The following PRKCB variants were observed in gnomAD, a reference collection of about 807,000 sequenced individuals.
PRKCB encodes protein kinase C beta type.
A neutral mutation model predicts 81.5 loss-of-function variants in PRKCB; 13 were observed. That is an observed-to-expected ratio of 0.16 (90% CI 0.10 to 0.25). The LOEUF is 0.25. PRKCB is among the 10% of genes least tolerant of loss of function. The pLI, the probability that PRKCB is intolerant of heterozygous loss-of-function variation, is 1.00. For synonymous variants in PRKCB, 335 were observed against 321.4 expected (o/e 1.04, Z -0.45); for missense variants, 509 against 875.7 (o/e 0.58, Z 5.29).
chr16:23,884,709 A>T (rs1963172129), intron 2 of PRKCB, among the ~76,000 whole-genome samples: 1 of 151,510 alleles, frequency 6.6e-6, no homozygotes, highest in South Asian at 2.1e-4. Context: ...TAATTTTTTT[A>T]TTTTTATTTT....
chr16:23,931,975 A>G (rs1340802318), intron 2 of PRKCB, among the ~76,000 whole-genome samples: 2 of 152,212 alleles, frequency 1.3e-5, no homozygotes, highest in African/African-American at 2.4e-5. Flanking sequence ...AGTCAAATAG[A>G]CATTATATAT....
At chr16:23,935,544 A>G (rs1964046627) in intron 2 of PRKCB, among the ~76,000 whole-genome samples, 1 of 151,824 alleles carries the variant, frequency 6.6e-6, no homozygotes, top group Admixed American at 6.6e-5. Flanking sequence ...TCCCTCCTCC[A>G]CCCCAAAATC....
At chr16:23,887,345 C>T (rs371814204) in intron 2 of PRKCB, among the ~76,000 whole-genome samples, 1 of 152,142 alleles carries the variant, frequency 6.6e-6, no homozygotes, top group Admixed American at 6.5e-5. Context: ...ACCGTTACCC[C>T]CTTCTCTCCC....
intron 2 of PRKCB, among the ~76,000 whole-genome samples, chr16:23,883,544 A>G (rs1380453054): frequency 6.6e-6 from 1 of 152,198 alleles, no homozygotes; most frequent in Non-Finnish European, 1.5e-5. Context: ...CACACCTTCC[A>G]TTGGCTGCCA....
At chr16:24,142,426 G>A (rs365371) in intron 9 of PRKCB, among the ~76,000 whole-genome samples, 30,451 of 152,102 alleles carry the variant, frequency 0.2, 3,299 homozygotes, top group South Asian at 0.31. Flanking sequence ...TCCTGAGTGG[G>A]TGAGTGCCCC....
chr16:24,126,445 T>G (rs1966844403), intron 9 of PRKCB, among the ~76,000 whole-genome samples: 1 of 152,186 alleles, frequency 6.6e-6, no homozygotes, highest in Non-Finnish European at 1.5e-5. Context: ...GGCTGGAATG[T>G]AGTGGTGCAT....
Position 24,214,819 on chromosome 16 carries a change from A to T in PRKCB, c.*3A>T, listed in dbSNP as rs1430240001. 6.2e-7 allele frequency: 1 copy of T among 1,613,718 alleles called. No individual in the cohort carries two copies. The highest frequency in any genetic ancestry group is 8.5e-7 in the Non-Finnish European group (1 of 1,179,744). On this transcript the variant is annotated 3_prime_UTR_variant, in exon 17 of 17. Coordinates refer to ENST00000643927, the MANE Select transcript of PRKCB (RefSeq NM_002738.7). ...TAAAACCCGAAGTCAAGAGCTAAGT[A>T]GATGTGTAGATCTCCGTCCTTCATT... is the stretch of plus-strand genomic sequence containing the variant.
chr16:24,033,426 TAG>T (rs1965572667), intron 4 of PRKCB, among the ~76,000 whole-genome samples: 2 of 152,112 alleles, frequency 1.3e-5, no homozygotes, highest in South Asian at 4.2e-4. Context: ...GAGACTCAGC[TAG>T]AGAGAGACTC....
At chr16:23,949,040 C>T (rs776995542) in intron 2 of PRKCB, among the ~76,000 whole-genome samples, 24 of 152,158 alleles carry the variant, frequency 1.6e-4, no homozygotes, top group Admixed American at 3.3e-4. Context: ...CAGAGGCAAC[C>T]GTTCTAGTGA....
At position 24,083,055 on chromosome 16, in the gene PRKCB, G is replaced by A. The variant is rs138593696; in HGVS notation, c.530-9736G>A. On this transcript the variant is annotated intron_variant, in intron 5 of 16. Transcript: ENST00000643927. ...ACAAACACTTTACCAAATAATACAA[G>A]GATGGCCAATACATTCATGGAAAGA... Among the ~76,000 whole-genome samples, 558 of 152,130 alleles carry A rather than the reference G, an allele frequency of 3.7e-3. 1 individual carries two copies. Among genetic ancestry groups the A allele is most frequent in the African/African-American group, 0.012 (515 of 41,508 alleles).
intron 7 of PRKCB, among the ~76,000 whole-genome samples, chr16:24,104,364 A>G (rs1966549435): frequency 6.6e-6 from 1 of 152,162 alleles, no homozygotes; most frequent in African/African-American, 2.4e-5. Flanking sequence ...TCATTCATTC[A>G]TTGAATATAC....
intron 3 of PRKCB, among the ~76,000 whole-genome samples, chr16:23,991,629 A>G (rs1964886761): frequency 6.6e-6 from 1 of 152,214 alleles, no homozygotes; most frequent in Non-Finnish European, 1.5e-5. Flanking sequence ...GAAAAGGCCT[A>G]AGGGTTGACT....
intron 3 of PRKCB, among the ~76,000 whole-genome samples, chr16:24,008,848 C>T (rs1360441542): frequency 6.6e-6 from 1 of 152,114 alleles, no homozygotes; most frequent in East Asian, 1.9e-4. Context: ...GTAAGTAATT[C>T]CCCATTTTGC....
chr16:23,837,756 C>A (rs913944293), intron 2 of PRKCB, among the ~76,000 whole-genome samples: 66 of 152,162 alleles, frequency 4.3e-4, no homozygotes, highest in African/African-American at 1.5e-3. Context: ...CCTTAGTTCC[C>A]CTTTCTCTGC....
At chr16:24,158,975 T>C (rs1967212591) in intron 10 of PRKCB, among the ~76,000 whole-genome samples, 1 of 152,042 alleles carries the variant, frequency 6.6e-6, no homozygotes, top group Non-Finnish European at 1.5e-5. Context: ...GTCTTTTGAG[T>C]GTGGATCACC....
At chr16:23,846,549 G>A (rs898892278) in intron 2 of PRKCB, among the ~76,000 whole-genome samples, 5 of 138,654 alleles carry the variant, frequency 3.6e-5, no homozygotes, top group Non-Finnish European at 3.0e-5. Flanking sequence ...GGCAGAGGTT[G>A]CAGTGAGCCA....
chr16:24,061,100 G>T (rs1333305719), intron 5 of PRKCB, among the ~76,000 whole-genome samples: 1 of 151,162 alleles, frequency 6.6e-6, no homozygotes, highest in Non-Finnish European at 1.5e-5. Context: ...TTGCTCTGTT[G>T]CTCAGGCTGG....
intron 5 of PRKCB, among the ~76,000 whole-genome samples, chr16:24,073,569 A>G (rs188838791): frequency 6.6e-6 from 1 of 152,258 alleles, no homozygotes; most frequent in African/African-American, 2.4e-5. Flanking sequence ...TCCTGGCCTC[A>G]AGTGATCCTC....
intron 2 of PRKCB, among the ~76,000 whole-genome samples, chr16:23,976,324 C>A (rs963222631): frequency 1.3e-5 from 2 of 152,000 alleles, no homozygotes; most frequent in South Asian, 4.2e-4. Context: ...ACCGCCCCCC[C>A]AAAAACGGAT....
Sources: gnomAD v4.1 joint callset for allele counts (sites outside exome capture counted in the v4.1 genomes callset) on GRCh38, gnomAD v4.1.1 for gene constraint, MANE v1.5 for transcripts, NCBI Gene and HGNC (gene_info 2026-07-23, HGNC 2026-07-21) for gene names.